Variants in FLYWCH1 observed in about 807,000 individuals in gnomAD.
FLYWCH1 encodes FLYWCH-type zinc finger-containing protein 1.
In FLYWCH1, 75 loss-of-function variants were observed where a neutral mutation model predicts 66.4. The observed-to-expected ratio is 1.13, with a 90% CI of 0.94 to 1.37. The LOEUF is 1.37. FLYWCH1 is among the 40% of genes most tolerant of loss of function. FLYWCH1 has a pLI of 0.00. For synonymous variants in FLYWCH1, 595 were observed against 429.9 expected (o/e 1.38, Z -4.75); for missense variants, 1,334 against 1,001.8 (o/e 1.33, Z -4.48).
intron 2 of FLYWCH1, chr16:2,922,831 A>G (rs543947215): frequency 3.8e-6 from 2 of 523,854 alleles, no homozygotes; most frequent in Middle Eastern, 3.3e-4. Flanking sequence ...TAACATCCAC[A>G]GTGAAGACAA....
intron 4 of FLYWCH1, among the ~76,000 whole-genome samples, chr16:2,931,594 C>G (rs923420051): frequency 6.6e-6 from 1 of 151,784 alleles, no homozygotes; most frequent in Non-Finnish European, 1.5e-5. Context: ...CCAGCCTGGA[C>G]AAGAGACCTG....
At chr16:2,920,523 A>C (rs898771273) in intron 2 of FLYWCH1, among the ~76,000 whole-genome samples, 3 of 151,900 alleles carry the variant, frequency 2.0e-5, no homozygotes, top group African/African-American at 7.3e-5. Flanking sequence ...AAAAAAAAAA[A>C]AAACACTTTT....
rs561021656 is a variant in FLYWCH1, at chr16:2,933,362, G to C, written c.1029G>C (p.Gln343His). The change falls in exon 5 of 10, where the codon CAG becomes CAC. Residue 343 changes from glutamine (Q) to histidine (H), a missense_variant. Gln to His is a conservative substitution (Grantham distance 24). Coordinates refer to ENST00000253928, the MANE Select transcript of FLYWCH1 (RefSeq NM_001308068.2). ...PDMEGLEARR[Q>H]QEKAVETLQA... ...TGGAGGGCCTGGAAGCCCGGCGGCA[G>C]CAGGAGAAGGCCGTGGAGACGCTGC... is the stretch of plus-strand genomic sequence containing the variant. 6 of 1,603,850 alleles carry C rather than the reference G, an allele frequency of 3.7e-6. No homozygotes were observed. The Admixed American group carries it at 1.0e-4, about 28-fold the overall frequency.
At position 2,930,736 on chromosome 16, in the gene FLYWCH1, G is replaced by C; in HGVS notation, c.652G>C (p.Gly218Arg). The C allele has an allele frequency of 1.3e-6, 2 of 1,555,032 alleles. No individual in the cohort carries two copies. Among genetic ancestry groups the C allele is most frequent in the Non-Finnish European group, 1.7e-6 (2 of 1,154,642 alleles). ...AGGCCGAGTGGAGGAGCCCCTGGAG[G>C]GGGTGGGCCCGTGGCAGTGCCCTGA... is the stretch of plus-strand genomic sequence containing the variant. The part of the protein sequence containing the change: ...PGGRVEEPLE[G>R]VGPWQCPEEP... The change falls in exon 4 of 10, where the codon GGG (glycine) becomes CGG (arginine). Residue 218 changes from glycine (G) to arginine (R), a missense_variant. By Grantham distance (125) the Gly-to-Arg change is moderately radical. Coordinates refer to ENST00000253928, the MANE Select transcript of FLYWCH1 (RefSeq NM_001308068.2).
chr16:2,927,662 C>T (rs928344159), intron 2 of FLYWCH1, among the ~76,000 whole-genome samples: 21 of 152,142 alleles, frequency 1.4e-4, no homozygotes, highest in African/African-American at 3.9e-4. Flanking sequence ...AAAAGAATTC[C>T]CCGGCTGGCT....
chr16:2,929,394 A>G (rs1381293911), intron 2 of FLYWCH1, among the ~76,000 whole-genome samples: 1 of 147,356 alleles, frequency 6.8e-6, no homozygotes, highest in Non-Finnish European at 1.5e-5. Flanking sequence ...TATTGTGCAC[A>G]TTTTCCAGAT....
chr16:2,920,129 T>C (rs929489399), intron 2 of FLYWCH1, among the ~76,000 whole-genome samples: 1 of 152,162 alleles, frequency 6.6e-6, no homozygotes, highest in African/African-American at 2.4e-5. Context: ...TCTGAAATAG[T>C]TTCTATATAT....
intron 9 of FLYWCH1, among the ~76,000 whole-genome samples, 171 bp from the exon 10 acceptor site, chr16:2,948,517 C>T (rs368651151): frequency 1.3e-3 from 199 of 151,556 alleles, no homozygotes; most frequent in African/African-American, 4.5e-3. Context: ...GAGCCGAGAT[C>T]GCACCACTGC....
intron 6 of FLYWCH1, among the ~76,000 whole-genome samples, chr16:2,934,392 TTCTCC>T (rs2070909210): frequency 6.6e-6 from 1 of 152,216 alleles, no homozygotes; most frequent in Non-Finnish European, 1.5e-5. Context: ...TGCAGCCGGT[TTCTCC>T]TCTCGGCCCG....
intron 2 of FLYWCH1, among the ~76,000 whole-genome samples, chr16:2,919,959 G>A (rs550437745): frequency 6.6e-6 from 1 of 152,172 alleles, no homozygotes; most frequent in East Asian, 1.9e-4. Flanking sequence ...GCCTCTGGTG[G>A]GGGCTTCCTG....
At chr16:2,934,083 C>T (rs1054454776) in intron 6 of FLYWCH1, 104 bp downstream of exon 6, 5 of 1,340,334 alleles carry the variant, frequency 3.7e-6, no homozygotes, top group South Asian at 1.5e-5. Context: ...CGTCCTCTTC[C>T]CTTCTTTGAA....
chr16:2,937,088 G>A (rs745675539), intron 6 of FLYWCH1, 33 bp from the exon 7 acceptor site: 6 of 1,569,010 alleles, frequency 3.8e-6, no homozygotes, highest in East Asian at 2.3e-5. Context: ...GAGAGCTGGT[G>A]TCCGCTGCTC....
In FLYWCH1 at chr16:2,930,447, C is replaced by T. The variant is rs369733635; in HGVS notation, c.363C>T (p.Phe121=). ...PQSLEFLRTP[F]GGRLLVLESF... is the part of the protein sequence containing the mutation. ...CCCTGGAGTTCCTGAGGACACCATT[C>T]GGGGGCCGCCTCCTGGTGCTGGAGT... Residue 121 remains phenylalanine (F), a synonymous_variant, in exon 4 of 10, where the codon TTC becomes TTT. Coordinates refer to ENST00000253928, the MANE Select transcript of FLYWCH1 (RefSeq NM_001308068.2). 7.4e-6 allele frequency: 11 copies of T among 1,490,762 alleles called. No individual in the cohort carries two copies. Among genetic ancestry groups the T allele is most frequent in the Admixed American group, 5.5e-5 (2 of 36,398 alleles). 92.3% of individuals were successfully genotyped at this position (1,490,762 alleles called of 1,614,324 possible).
intron 9 of FLYWCH1, among the ~76,000 whole-genome samples, chr16:2,946,928 A>G (rs1347291124): frequency 6.6e-6 from 1 of 152,172 alleles, no homozygotes; most frequent in Admixed American, 6.5e-5. Context: ...CCACTTTGGA[A>G]AACACTCTGG....
chr16:2,937,608 G>C (rs1366501675), intron 7 of FLYWCH1, among the ~76,000 whole-genome samples: 1 of 152,136 alleles, frequency 6.6e-6, no homozygotes, highest in East Asian at 1.9e-4. Flanking sequence ...AACCCACTCA[G>C]CTCTCTAGAG....
chr16:2,936,200 C>G (rs1490764681), intron 6 of FLYWCH1: 4 of 342,228 alleles, frequency 1.2e-5, no homozygotes, highest in African/African-American at 6.5e-5. Context: ...CGTGAGCCAC[C>G]GTGCGCAGCC....
intron 7 of FLYWCH1, 21 bp from the exon 8 acceptor site, chr16:2,938,163 C>T (rs1220527885): frequency 1.2e-6 from 2 of 1,607,588 alleles, no homozygotes. Context: ...GCCCCACTCA[C>T]AGTGTCACTT....
chr16:2,923,393 T>A (rs894200265), intron 2 of FLYWCH1, among the ~76,000 whole-genome samples: 36 of 152,284 alleles, frequency 2.4e-4, no homozygotes, highest in African/African-American at 8.7e-4. Context: ...ATTACAGGCG[T>A]CCGCCACCAC....
At chr16:2,923,719 C>G (rs779605184) in intron 2 of FLYWCH1, among the ~76,000 whole-genome samples, 1 of 152,120 alleles carries the variant, frequency 6.6e-6, no homozygotes, top group Non-Finnish European at 1.5e-5. Flanking sequence ...TATTTCATAA[C>G]CGTTTGCATT....
Sources: allele counts gnomAD v4.1 joint callset (sites outside exome capture counted in the v4.1 genomes callset), GRCh38; gene constraint gnomAD v4.1.1; transcripts MANE v1.5; gene names NCBI Gene and HGNC (gene_info 2026-07-23, HGNC 2026-07-21).